Variants in RB1CC1 observed in about 807,000 individuals in gnomAD.
RB1CC1 encodes RB1-inducible coiled-coil protein 1.
In RB1CC1, 46 loss-of-function variants were observed where a neutral mutation model predicts 177.5. The ratio of observed to expected loss-of-function variants is 0.26; its 90% confidence interval spans 0.20 to 0.33. RB1CC1 has a LOEUF of 0.33. Among genes scored for constraint, RB1CC1 ranks in the 10% least tolerant of loss-of-function variants. RB1CC1 has a pLI of 1.00. For synonymous variants in RB1CC1, 666 were observed against 613.6 expected, an observed-to-expected ratio of 1.09 and a Z score of -1.26; for missense variants, 1,703 against 1,816.3, an observed-to-expected ratio of 0.94 and a Z score of 1.13.
chr8:52,674,651 C>G (rs1852921364), intron 6 of RB1CC1, among the ~76,000 whole-genome samples: 1 of 151,950 alleles, frequency 6.6e-6, no homozygotes, highest in African/African-American at 2.4e-5. Flanking sequence ...ACCTGCAATC[C>G]CAGCTACTCA....
At chr8:52,708,937 A>G (rs1856825360) in intron 1 of RB1CC1, among the ~76,000 whole-genome samples, 1 of 152,116 alleles carries the variant, frequency 6.6e-6, no homozygotes, top group African/African-American at 2.4e-5. Context: ...TGAAGCTTTT[A>G]GTCCACTTTA....
At chr8:52,673,773 ACAT>A in intron 7 of RB1CC1, 69 bp downstream of exon 7, 1 of 1,352,188 alleles carries the variant, frequency 7.4e-7, no homozygotes, top group Non-Finnish European at 9.9e-7. Context: ...TTCTCTCAGT[ACAT>A]AAAATATTTA....
At chr8:52,695,435 A>G (rs151298944) in intron 1 of RB1CC1, among the ~76,000 whole-genome samples, 1 of 152,326 alleles carries the variant, frequency 6.6e-6, no homozygotes, top group Admixed American at 6.5e-5. Context: ...ATCCTGACAG[A>G]TAGAACTGTG....
At chr8:52,686,101 A>G (rs892914288) in intron 2 of RB1CC1, 4 of 152,306 alleles carry the variant, frequency 2.6e-5, no homozygotes, top group African/African-American at 9.6e-5. Context: ...TACACTGAGC[A>G]AGAAATCCTC....
chr8:52,662,078 A>C (rs1217220293), intron 8 of RB1CC1, among the ~76,000 whole-genome samples: 1 of 152,128 alleles, frequency 6.6e-6, no homozygotes, highest in Non-Finnish European at 1.5e-5. Context: ...ACTGAAAAAC[A>C]ATAAGGGATT....
At chr8:52,652,998 G>A (rs1850750157) in intron 15 of RB1CC1, among the ~76,000 whole-genome samples, 1 of 151,782 alleles carries the variant, frequency 6.6e-6, no homozygotes, top group Non-Finnish European at 1.5e-5. Flanking sequence ...CAGAGGTTGT[G>A]GTGAAGAGAG....
At chr8:52,693,612 C>T (rs1204066891) in intron 1 of RB1CC1, among the ~76,000 whole-genome samples, 2 of 152,150 alleles carry the variant, frequency 1.3e-5, no homozygotes, top group Non-Finnish European at 1.5e-5. Context: ...TGCTTTTACA[C>T]TGTTGGTGGG....
rs1049387947 is a variant in RB1CC1 at position 52,657,563 on chromosome 8, T to G, written c.2266A>C (p.Ser756Arg). 3 of 1,613,958 alleles carry G rather than the reference T, an allele frequency of 1.9e-6. No homozygotes were observed. The highest frequency in any genetic ancestry group is 2.5e-6 in the Non-Finnish European group (3 of 1,180,016). ...AGTGATTCCACCATCATTTCTGGGC[T>G]TTGTGGATCACTTATAGGATTAGGA... ...SSPNPISDPQ[S>R]PEMMVESLYS... Residue 756 changes from serine (S) to arginine (R), a missense_variant, in exon 15 of 24, where the codon AGC becomes CGC. By Grantham distance (110) the Ser-to-Arg change is moderately radical. Transcript: ENST00000025008.
chr8:52,706,471 G>A (rs1304748128), intron 1 of RB1CC1, among the ~76,000 whole-genome samples: 4 of 151,358 alleles, frequency 2.6e-5, no homozygotes, highest in Non-Finnish European at 5.9e-5. Flanking sequence ...CCGCCTCCCA[G>A]GTTCAAGAGA....
chr8:52,644,147 T>C (rs1473058164), intron 16 of RB1CC1, among the ~76,000 whole-genome samples: 2 of 152,108 alleles, frequency 1.3e-5, no homozygotes, highest in Non-Finnish European at 2.9e-5. Context: ...AGATCACAAT[T>C]TGTAATTGGC....
At chr8:52,635,841 G>A (rs1349601506) in intron 19 of RB1CC1, among the ~76,000 whole-genome samples, 174 bp downstream of exon 19, 1 of 152,022 alleles carries the variant, frequency 6.6e-6, no homozygotes, top group Non-Finnish European at 1.5e-5. Context: ...TGTTTAGCTA[G>A]TAAGATCATA....
rs1851096072 is a variant in RB1CC1 at position 52,656,524 on chromosome 8, G to A, written c.3305C>T (p.Thr1102Ile). 6.2e-7 allele frequency: 1 copy of A among 1,611,154 alleles called. No homozygotes were observed. Among genetic ancestry groups the A allele is most frequent in the Non-Finnish European group, 8.5e-7 (1 of 1,179,514 alleles). The change falls in exon 15 of 24, where the codon ACA (threonine) becomes ATA (isoleucine). Residue 1102 changes from threonine (T) to isoleucine (I), a missense_variant. Thr to Ile is a moderately conservative substitution (Grantham distance 89). Around this residue, in one of 6 missense-constraint regions of RB1CC1, gnomAD observed 1,169 missense variants for 1,184.7 expected, o/e 0.99. Coordinates refer to ENST00000025008, the MANE Select transcript of RB1CC1 (RefSeq NM_014781.5). ...LLEQETENLR[T>I]EISKLNQKIQ... ...CTTTTGGTTGAGTTTACTAATTTCT[G>A]TTCTCAAATTTTCTGTCTCTTGTTC...
chr8:52,634,809 T>C (rs1590924095), intron 20 of RB1CC1, 112 bp downstream of exon 20: 1 of 913,398 alleles, frequency 1.1e-6, no homozygotes, highest in East Asian at 2.7e-5. Flanking sequence ...ACAAACCTAC[T>C]ATAGATAAGT....
intron 3 of RB1CC1, 75 bp downstream of exon 3, chr8:52,685,324 A>T: frequency 1.7e-6 from 2 of 1,149,690 alleles, no homozygotes; most frequent in South Asian, 2.7e-5. Context: ...TACTTTTTAA[A>T]CAGTAGAATA....
At chr8:52,654,065 T>C (rs188833414) in intron 15 of RB1CC1, among the ~76,000 whole-genome samples, 1 of 152,230 alleles carries the variant, frequency 6.6e-6, no homozygotes, top group East Asian at 1.9e-4. Context: ...ACATTAAGTA[T>C]GTGTCCTGTC....
chr8:52,644,070 CAT>C (rs1849800143), intron 16 of RB1CC1, among the ~76,000 whole-genome samples: 1 of 151,946 alleles, frequency 6.6e-6, no homozygotes, highest in African/African-American at 2.4e-5. Context: ...AACACAAAAA[CAT>C]ATAAACCATT....
chr8:52,676,085 A>G (rs553506082), intron 6 of RB1CC1, among the ~76,000 whole-genome samples: 71 of 152,306 alleles, frequency 4.7e-4, no homozygotes, highest in African/African-American at 1.7e-3. Context: ...AGACATAAGC[A>G]AAGATTCTTG....
intron 1 of RB1CC1, among the ~76,000 whole-genome samples, chr8:52,699,480 G>T (rs576911167): frequency 6.6e-6 from 1 of 151,924 alleles, no homozygotes; most frequent in East Asian, 1.9e-4. Context: ...TTCTTCTATT[G>T]CCTATCTTTC....
At position 52,651,779 on chromosome 8, in the gene RB1CC1, A is replaced by C. The variant is rs1850608757; in HGVS notation, c.3821+4229T>G. Among the ~76,000 whole-genome samples the C allele has an allele frequency of 2.0e-5, 3 of 152,360 alleles. No homozygotes were observed. The South Asian group carries it at 6.2e-4, about 32-fold the overall frequency. On this transcript the variant is annotated intron_variant, in intron 15 of 23. Coordinates refer to ENST00000025008, the MANE Select transcript of RB1CC1 (RefSeq NM_014781.5). Reference sequence around the variant, plus strand: ...AATAGTAAAAACTACTAGCTCTAAAATATGTTAACATTTGGAAGATCTGCA... The same window carrying C: ...AATAGTAAAAACTACTAGCTCTAAACTATGTTAACATTTGGAAGATCTGCA...
Sources: gnomAD v4.1 joint callset for allele counts (sites outside exome capture counted in the v4.1 genomes callset) on GRCh38, gnomAD v4.1.1 for gene constraint, gnomAD v4.1.1 regional missense constraint, MANE v1.5 for transcripts, NCBI Gene and HGNC (gene_info 2026-07-23, HGNC 2026-07-21) for gene names.